XRCC4: variants seen among roughly 807,000 people sequenced by gnomAD.
XRCC4 encodes the protein X-ray repair cross complementing 4, also known as DNA repair protein XRCC4.
In XRCC4, 28 loss-of-function variants were observed where a neutral mutation model predicts 39.1. That is an observed-to-expected ratio of 0.72 (90% CI 0.53 to 0.98). The LOEUF (loss-of-function observed/expected upper bound fraction) is 0.98. Ranked by LOEUF, XRCC4 falls within the 50% of genes least tolerant of loss-of-function variation. The pLI, the probability that XRCC4 is intolerant of heterozygous loss-of-function variation, is 0.00. For synonymous variants in XRCC4, 123 were observed against 126.4 expected (o/e 0.97, Z 0.18); for missense variants, 350 against 376.4 (o/e 0.93, Z 0.58).
chr5:83,129,076 C>G (rs576305526), intron 3 of XRCC4, among the ~76,000 whole-genome samples: 1 of 152,030 alleles, frequency 6.6e-6, no homozygotes, highest in Admixed American at 6.6e-5. Flanking sequence ...ATGGTAATGC[C>G]TAGGTTTTCT....
At chr5:83,374,457 T>G in the XRCC4 span, among the ~76,000 whole-genome samples, 3 of 152,202 alleles carry the variant, frequency 2.0e-5, no homozygotes, top group Non-Finnish European at 4.4e-5. Flanking sequence ...ATTAAACCTC[T>G]TTTTCTTTGT....
At chr5:83,263,303 A>T (rs1029971089) in intron 7 of XRCC4, among the ~76,000 whole-genome samples, 18 of 151,918 alleles carry the variant, frequency 1.2e-4, no homozygotes, top group Non-Finnish European at 2.5e-4. Context: ...CGCAGTAAAC[A>T]TACATGTGCA....
At chr5:83,124,826 G>A (rs780923207) in intron 3 of XRCC4, among the ~76,000 whole-genome samples, 6 of 152,238 alleles carry the variant, frequency 3.9e-5, no homozygotes, top group East Asian at 1.9e-4. Flanking sequence ...TTTAGAAACA[G>A]GTTGCTGACC....
chr5:83,168,244 T>TA (rs1205788656), intron 3 of XRCC4, among the ~76,000 whole-genome samples: 1 of 152,214 alleles, frequency 6.6e-6, no homozygotes, highest in East Asian at 1.9e-4. Context: ...ATAAGTAAGA[T>TA]AATTTTATTA....
chr5:83,342,808 T>A (rs181143779), intron 7 of XRCC4, among the ~76,000 whole-genome samples: 147 of 152,274 alleles, frequency 9.7e-4, no homozygotes, highest in Non-Finnish European at 1.7e-3. Context: ...TTTTTTTTAA[T>A]ACTAACATTT....
intron 7 of XRCC4, among the ~76,000 whole-genome samples, chr5:83,301,371 G>A (rs1755278901): frequency 6.6e-6 from 1 of 152,126 alleles, no homozygotes; most frequent in Non-Finnish European, 1.5e-5. Context: ...CCATATAAAT[G>A]TCTTCTTTTG....
intron 7 of XRCC4, among the ~76,000 whole-genome samples, chr5:83,265,045 C>T (rs376593921): frequency 2.0e-5 from 3 of 152,212 alleles, no homozygotes; most frequent in African/African-American, 7.2e-5. Flanking sequence ...CATGTGCCAA[C>T]TTAAAATGAG....
chr5:83,183,655 G>C (rs564104927), intron 3 of XRCC4, among the ~76,000 whole-genome samples: 10 of 151,998 alleles, frequency 6.6e-5, no homozygotes, highest in African/African-American at 2.2e-4. Flanking sequence ...TGTTTTGTTT[G>C]GTCCAGAGTT....
intron 7 of XRCC4, among the ~76,000 whole-genome samples, chr5:83,289,318 G>A (rs1298021224): frequency 6.6e-6 from 1 of 151,796 alleles, no homozygotes; most frequent in Admixed American, 6.6e-5. Flanking sequence ...CTTGCTTTCT[G>A]GAATACCTTG....
the XRCC4 span, among the ~76,000 whole-genome samples, chr5:83,372,887 CA>C: frequency 8.5e-5 from 13 of 152,274 alleles, no homozygotes; most frequent in African/African-American, 3.1e-4. Flanking sequence ...ATATCACTTA[CA>C]ATACATTTCA....
At chr5:83,305,267 A>G (rs1755440693) in intron 7 of XRCC4, among the ~76,000 whole-genome samples, 1 of 151,900 alleles carries the variant, frequency 6.6e-6, no homozygotes, top group Non-Finnish European at 1.5e-5. Flanking sequence ...ATTGTTAACT[A>G]AAGCCCACAG....
the XRCC4 span, among the ~76,000 whole-genome samples, chr5:83,364,711 A>G: frequency 6.6e-6 from 1 of 152,188 alleles, no homozygotes; most frequent in Non-Finnish European, 1.5e-5. Flanking sequence ...TATAAAGAAA[A>G]ACACGGTTGA....
chr5:83,143,199 A>AT (rs1748267102), intron 3 of XRCC4, among the ~76,000 whole-genome samples: 1 of 152,148 alleles, frequency 6.6e-6, no homozygotes, highest in African/African-American at 2.4e-5. Context: ...CTGTTTTGAT[A>AT]TTTTGAGAAT....
chr5:83,113,417 A>G (rs1454900095), intron 3 of XRCC4, among the ~76,000 whole-genome samples: 1 of 152,032 alleles, frequency 6.6e-6, no homozygotes, highest in Non-Finnish European at 1.5e-5. Context: ...TCCCAGGGGC[A>G]CAGTGCAAGC....
intron 3 of XRCC4, among the ~76,000 whole-genome samples, chr5:83,131,664 G>C: frequency 6.6e-6 from 1 of 151,754 alleles, no homozygotes. Flanking sequence ...ATCTTTGTTG[G>C]TTTAAAGTCT....
chr5:83,255,855 G>A (rs987384000), intron 6 of XRCC4, among the ~76,000 whole-genome samples: 1 of 152,038 alleles, frequency 6.6e-6, no homozygotes, highest in Non-Finnish European at 1.5e-5. Context: ...AGTTGTTCAG[G>A]GTTCATAGCT....
At chr5:83,113,917 C>A (rs1409070036) in intron 3 of XRCC4, among the ~76,000 whole-genome samples, 1 of 152,232 alleles carries the variant, frequency 6.6e-6, no homozygotes, top group Non-Finnish European at 1.5e-5. Flanking sequence ...TGAGCCACCG[C>A]ACCCAGCGCA....
At chr5:83,311,176 G>A (rs1188759995) in intron 7 of XRCC4, 2 of 176,764 alleles carry the variant, frequency 1.1e-5, no homozygotes, top group Non-Finnish European at 2.4e-5. Flanking sequence ...CTAGCAGGCC[G>A]GTGAGAGTGA....
At chr5:83,310,977 C>T (rs1443230147) in intron 7 of XRCC4, 7 of 361,760 alleles carry the variant, frequency 1.9e-5, no homozygotes, top group Non-Finnish European at 3.8e-5. Context: ...GAGTGTAGCC[C>T]TGCCAACACC....
Sources: gnomAD v4.1 joint callset for allele counts (sites outside exome capture counted in the v4.1 genomes callset) on GRCh38, gnomAD v4.1.1 for gene constraint, MANE v1.5 for transcripts, NCBI Gene and HGNC (gene_info 2026-07-23, HGNC 2026-07-21) for gene names.